Variants in EPHA5 observed in about 807,000 individuals in gnomAD.
The protein encoded by EPHA5 is EPH receptor A5.
In EPHA5, 60 loss-of-function variants were observed where a neutral mutation model predicts 105.0. The observed-to-expected ratio is 0.57, with a 90% CI of 0.46 to 0.71. The LOEUF is 0.71. EPHA5 is among the 30% of genes least tolerant of loss of function. EPHA5 has a pLI of 0.00. For missense variants in EPHA5, 1,218 were observed against 1,274.7 expected (o/e 0.96, Z 0.68); for synonymous variants, 513 against 449.1 (o/e 1.14, Z -1.80).
intron 3 of EPHA5, among the ~76,000 whole-genome samples, chr4:65,511,103 C>T (rs1733580574): frequency 6.6e-6 from 1 of 152,118 alleles, no homozygotes; most frequent in African/African-American, 2.4e-5. Context: ...GAATGACTGG[C>T]ACCTTGGTCT....
At chr4:65,490,335 A>G (rs1731274414) in intron 5 of EPHA5, 42 bp downstream of exon 5, 1 of 1,560,972 alleles carries the variant, frequency 6.4e-7, no homozygotes, top group Admixed American at 1.7e-5. Context: ...AATTGACAGA[A>G]CTAGGCCTCA....
In EPHA5 at chr4:65,324,012, A is replaced by G; in HGVS notation, c.*102T>C. On this transcript the variant is annotated 3_prime_UTR_variant, in exon 17 of 17. Coordinates refer to ENST00000613740, the MANE Select transcript of EPHA5 (RefSeq NM_001281766.3). ...AGGCAAATGTTTTCTAAGGTTTAGA[A>G]ATCACTGTTTTCCCTTTTCCCCCTT... is the stretch of plus-strand genomic sequence containing the variant. 1.3e-6 allele frequency: 1 copy of G among 760,882 alleles called. No individual in the cohort carries two copies. The highest frequency in any genetic ancestry group is 2.2e-6 in the Non-Finnish European group (1 of 459,542). 47.1% of individuals were successfully genotyped at this position (760,882 alleles called of 1,614,324 possible).
intron 15 of EPHA5, among the ~76,000 whole-genome samples, chr4:65,334,610 G>T (rs895453192): frequency 6.6e-6 from 1 of 151,906 alleles, no homozygotes; most frequent in Non-Finnish European, 1.5e-5. Flanking sequence ...TCTAGAGTCA[G>T]GATATGCACA....
chr4:65,605,770 G>A (rs929749656), intron 2 of EPHA5, among the ~76,000 whole-genome samples: 2 of 151,960 alleles, frequency 1.3e-5, no homozygotes, highest in African/African-American at 2.4e-5. Flanking sequence ...CAAGCCCGAA[G>A]CTCTAGTTTT....
intron 2 of EPHA5, among the ~76,000 whole-genome samples, chr4:65,635,974 A>T (rs1213803897): frequency 1.3e-5 from 2 of 152,152 alleles, no homozygotes; most frequent in Non-Finnish European, 2.9e-5. Context: ...GTTTACTATT[A>T]TTCCGCCAAG....
At chr4:65,496,627 C>T (rs560882270) in intron 3 of EPHA5, among the ~76,000 whole-genome samples, 3 of 151,562 alleles carry the variant, frequency 2.0e-5, no homozygotes, top group Non-Finnish European at 4.4e-5. Context: ...TCCAGTCTAT[C>T]ATTGTTGGAC....
intron 3 of EPHA5, among the ~76,000 whole-genome samples, chr4:65,502,825 A>G (rs1043969028): frequency 4.6e-5 from 7 of 151,654 alleles, no homozygotes; most frequent in Non-Finnish European, 1.0e-4. Context: ...ATCAATATCA[A>G]TGGTGTAGTA....
At chr4:65,362,355 G>T (rs1717414813) in intron 11 of EPHA5, among the ~76,000 whole-genome samples, 1 of 151,604 alleles carries the variant, frequency 6.6e-6, no homozygotes, top group Non-Finnish European at 1.5e-5. Flanking sequence ...AGATCAGAGA[G>T]CATGAAATTA....
intron 5 of EPHA5, among the ~76,000 whole-genome samples, chr4:65,442,399 A>G (rs757611346): frequency 3.9e-5 from 6 of 152,290 alleles, no homozygotes; most frequent in Non-Finnish European, 8.8e-5. Context: ...AATGAATTGG[A>G]CAGCACATTG....
chr4:65,559,587 T>C (rs1738804088), intron 3 of EPHA5, among the ~76,000 whole-genome samples: 1 of 152,206 alleles, frequency 6.6e-6, no homozygotes, highest in East Asian at 1.9e-4. Flanking sequence ...AGGGTCTTTC[T>C]TTTTAATAAA....
chr4:65,566,419 T>C (rs1327227936), intron 3 of EPHA5, among the ~76,000 whole-genome samples: 1 of 151,806 alleles, frequency 6.6e-6, no homozygotes, highest in African/African-American at 2.4e-5. Flanking sequence ...ACTAATATTC[T>C]TTTGAAATAC....
chr4:65,361,744 T>C (rs116376451), intron 11 of EPHA5, among the ~76,000 whole-genome samples: 2,018 of 151,838 alleles, frequency 0.013, 40 homozygotes, highest in African/African-American at 0.045. Context: ...ACAGAGATTC[T>C]TCTAATGCTT....
intron 5 of EPHA5, among the ~76,000 whole-genome samples, chr4:65,488,680 G>A (rs1731111696): frequency 6.6e-6 from 1 of 152,104 alleles, no homozygotes; most frequent in Admixed American, 6.6e-5. Flanking sequence ...ATTCACTGGG[G>A]AAAGTGGCTT....
intron 8 of EPHA5, among the ~76,000 whole-genome samples, chr4:65,393,405 G>A (rs769157412): frequency 6.6e-6 from 1 of 152,170 alleles, no homozygotes; most frequent in Non-Finnish European, 1.5e-5. Context: ...AGTGAAGGGT[G>A]AGAGCCCTAA....
Position 65,319,907 on chromosome 4 carries a change from A to G in EPHA5, c.*4207T>C, listed in dbSNP as rs1287333436. On this transcript the variant is annotated 3_prime_UTR_variant, in exon 17 of 17. Coordinates refer to ENST00000613740, the MANE Select transcript of EPHA5 (RefSeq NM_001281766.3). ...AAACTACAGCAGCCTAAAGAGTCAT[A>G]GATATGTTGACCACTGAAACTTCTA... 2 of 230,126 alleles carry G rather than the reference A, an allele frequency of 8.7e-6. No individual in the cohort carries two copies. The highest frequency in any genetic ancestry group is 1.7e-5 in the Non-Finnish European group (2 of 116,092). 14.3% of individuals were successfully genotyped at this position (230,126 alleles called of 1,614,324 possible).
At chr4:65,427,221 G>C (rs1161697529) in intron 5 of EPHA5, among the ~76,000 whole-genome samples, 1 of 118,558 alleles carries the variant, frequency 8.4e-6, no homozygotes, top group African/African-American at 3.3e-5. Context: ...GTCTTGCTCT[G>C]TCACCGAGGC....
chr4:65,535,372 A>G (rs1439119550), intron 3 of EPHA5, among the ~76,000 whole-genome samples: 1 of 152,138 alleles, frequency 6.6e-6, no homozygotes, highest in East Asian at 1.9e-4. Flanking sequence ...AAGGTATTGT[A>G]GAACAGAAGG....
intron 5 of EPHA5, among the ~76,000 whole-genome samples, chr4:65,460,813 C>T (rs376446278): frequency 1.3e-5 from 2 of 151,592 alleles, no homozygotes; most frequent in African/African-American, 2.4e-5. Context: ...CTTCAATGTA[C>T]GTGTGTGTTT....
At chr4:65,373,258 T>G (rs891516803) in intron 8 of EPHA5, among the ~76,000 whole-genome samples, 7 of 151,796 alleles carry the variant, frequency 4.6e-5, no homozygotes, top group African/African-American at 1.7e-4. Flanking sequence ...AGCCTTCCAT[T>G]GAAATTTAAT....
Sources: gnomAD v4.1 joint callset for allele counts (sites outside exome capture counted in the v4.1 genomes callset) on GRCh38, gnomAD v4.1.1 for gene constraint, MANE v1.5 for transcripts, NCBI Gene and HGNC (gene_info 2026-07-23, HGNC 2026-07-21) for gene names.